Variants in RBPMS2 observed in about 807,000 individuals in gnomAD.
RBPMS2 encodes RNA-binding protein with multiple splicing 2.
RBPMS2 carries 14 observed loss-of-function variants against 25.7 expected under a neutral mutation model. That is an observed-to-expected ratio of 0.55 (90% CI 0.36 to 0.85). The LOEUF (loss-of-function observed/expected upper bound fraction) is 0.85. Among genes scored for constraint, RBPMS2 ranks in the 40% least tolerant of loss-of-function variants. RBPMS2 has a pLI of 0.01. For synonymous variants in RBPMS2, 127 were observed against 115.6 expected (o/e 1.10, Z -0.63); for missense variants, 252 against 283.4 (o/e 0.89, Z 0.80).
chr15:64,746,609 C>A (rs2083619713), intron 6 of RBPMS2, among the ~76,000 whole-genome samples: 1 of 152,112 alleles, frequency 6.6e-6, no homozygotes, highest in South Asian at 2.1e-4. Context: ...GGGAAGGAAG[C>A]CAACAGGAGG....
At chr15:64,766,583 T>A (rs551316247) in intron 1 of RBPMS2, among the ~76,000 whole-genome samples, 1 of 151,890 alleles carries the variant, frequency 6.6e-6, no homozygotes, top group Non-Finnish European at 1.5e-5. Context: ...CTGGACTGCA[T>A]GACGCAATCT....
intron 6 of RBPMS2, among the ~76,000 whole-genome samples, chr15:64,747,059 G>A (rs1405440021): frequency 6.6e-6 from 1 of 152,182 alleles, no homozygotes; most frequent in African/African-American, 2.4e-5. Flanking sequence ...ATTCCCTCCA[G>A]GGGAAGGTCT....
At chr15:64,764,408 G>A (rs561330546) in intron 1 of RBPMS2, among the ~76,000 whole-genome samples, 49 of 152,062 alleles carry the variant, frequency 3.2e-4, no homozygotes, top group Non-Finnish European at 5.9e-4. Context: ...ACACAGCCCC[G>A]AGCCCACCAC....
intron 1 of RBPMS2, among the ~76,000 whole-genome samples, chr15:64,766,245 G>A (rs1212137373): frequency 6.6e-6 from 1 of 152,184 alleles, no homozygotes; most frequent in Non-Finnish European, 1.5e-5. Flanking sequence ...AGCCAAGGCA[G>A]ATGCGCCTAG....
At chr15:64,765,566 G>A (rs2083838657) in intron 1 of RBPMS2, among the ~76,000 whole-genome samples, 1 of 149,782 alleles carries the variant, frequency 6.7e-6, no homozygotes, top group African/African-American at 2.5e-5. Context: ...GCAACAAAAC[G>A]AGATCCTGTG....
Position 64,749,310 on chromosome 15 carries a change from T to C in RBPMS2, c.267+121A>G, listed in dbSNP as rs559416147. 1.9e-5 allele frequency: 25 copies of C among 1,311,936 alleles called. No homozygotes were observed. In the African/African-American group the frequency reaches 3.6e-4, roughly 19 times the overall value. 81.3% of individuals were successfully genotyped at this position (1,311,936 alleles called of 1,614,324 possible). A position where few individuals can be genotyped will look rare whatever the true frequency, so the allele number is the denominator to read the frequency against. ...GCAGCTCAGGCCTTGAGTAATGGCC[T>C]TTGGCACAGACAGTGTCGCCAAGGA... is the stretch of plus-strand genomic sequence containing the variant. On this transcript the variant is annotated intron_variant, in intron 4 of 7. Transcript: ENST00000300069.
intron 1 of RBPMS2, among the ~76,000 whole-genome samples, chr15:64,755,334 G>A (rs1272007509): frequency 6.6e-6 from 1 of 152,092 alleles, no homozygotes; most frequent in Non-Finnish European, 1.5e-5. Context: ...TGAGCTGGTG[G>A]GCCCGTCTGC....
intron 4 of RBPMS2, 59 bp downstream of exon 4, chr15:64,749,372 G>T: frequency 6.8e-7 from 1 of 1,468,278 alleles, no homozygotes; most frequent in Non-Finnish European, 9.5e-7. Flanking sequence ...AGATACATCT[G>T]CACACCCACT....
At position 64,748,579 on chromosome 15, in the gene RBPMS2, G is replaced by C; in HGVS notation, c.419-12C>G. 6.5e-7 allele frequency: 1 copy of C among 1,528,938 alleles called. No individual in the cohort carries two copies. Among genetic ancestry groups the C allele is most frequent in the Non-Finnish European group, 8.8e-7 (1 of 1,140,790 alleles). 94.7% of individuals were successfully genotyped at this position (1,528,938 alleles called of 1,614,324 possible). ...CCCCATCAGGTCATCTACAACAGGA[G>C]ACAATGGCCTCCATCATCAGAACAC... On this transcript the variant is annotated splice_polypyrimidine_tract_variant and intron_variant, in intron 5 of 7. Transcript: ENST00000300069.
rs898289756 is a variant in RBPMS2, at chr15:64,775,529, G to C, written c.-210C>G. On this transcript the variant is annotated 5_prime_UTR_variant, in exon 1 of 8. Coordinates refer to ENST00000300069, the MANE Select transcript of RBPMS2 (RefSeq NM_194272.3). ...GGAAGGTGGGGAGGGGGTGCGGCGGGGGAGGCAGTGGGAGCCGGAGGGGCC... is the reference window on the plus strand; with the variant it reads ...GGAAGGTGGGGAGGGGGTGCGGCGGCGGAGGCAGTGGGAGCCGGAGGGGCC... The C allele has an allele frequency of 3.4e-6, 1 of 290,614 alleles. No individual in the cohort carries two copies. The highest frequency in any genetic ancestry group is 2.3e-5 in the African/African-American group (1 of 44,300). The allele number at this position is 290,614 out of a possible 1,614,324, so 18.0% of individuals were successfully genotyped here.
At chr15:64,744,089 C>T (rs573740846) in intron 6 of RBPMS2, among the ~76,000 whole-genome samples, 1 of 148,718 alleles carries the variant, frequency 6.7e-6, no homozygotes, top group Admixed American at 6.7e-5. Context: ...GCCTGGGCAA[C>T]GGAGTGAGAC....
intron 1 of RBPMS2, among the ~76,000 whole-genome samples, chr15:64,757,286 CACAACACAA>C (rs1178110348): frequency 3.3e-5 from 5 of 152,052 alleles, no homozygotes; most frequent in African/African-American, 7.2e-5. Context: ...GTTTCATCTT[CACAACACAA>C]ACACCATCTA....
chr15:64,749,284 G>C lies in RBPMS2; in HGVS notation c.268-134C>G, dbSNP rs1430319712. On this transcript the variant is annotated intron_variant, in intron 4 of 7. Transcript: ENST00000300069. ...CACACGGTGGCTGAGGCAGAGGAAA[G>C]GCAGCTCAGGCCTTGAGTAATGGCC... 2.6e-5 allele frequency: 35 copies of C among 1,326,460 alleles called. No homozygotes were observed. In the South Asian group the frequency reaches 2.7e-4, roughly 10 times the overall value. 82.2% of individuals were successfully genotyped at this position (1,326,460 alleles called of 1,614,324 possible).
chr15:64,749,359 A>G (rs1444243062), intron 4 of RBPMS2, 72 bp downstream of exon 4: 32 of 1,442,378 alleles, frequency 2.2e-5, no homozygotes, highest in Non-Finnish European at 2.6e-5. Flanking sequence ...TGGCCGGGAA[A>G]TAAGATACAT....
intron 1 of RBPMS2, among the ~76,000 whole-genome samples, chr15:64,761,427 A>C (rs903777174): frequency 6.6e-6 from 1 of 152,212 alleles, no homozygotes. Flanking sequence ...AGCATGTCAG[A>C]AACAGCCTGT....
At chr15:64,748,802 G>A (rs1440308228) in intron 5 of RBPMS2, among the ~76,000 whole-genome samples, 198 bp downstream of exon 5, 2 of 152,228 alleles carry the variant, frequency 1.3e-5, no homozygotes, top group Non-Finnish European at 2.9e-5. Context: ...ATTAAAGAAG[G>A]TTGCAGGGAA....
intron 1 of RBPMS2, among the ~76,000 whole-genome samples, chr15:64,758,895 G>C (rs1248948049): frequency 6.6e-6 from 1 of 152,238 alleles, no homozygotes; most frequent in Non-Finnish European, 1.5e-5. Flanking sequence ...GCCAGTGCTA[G>C]ACCTAGAGTG....
intron 6 of RBPMS2, among the ~76,000 whole-genome samples, chr15:64,747,207 A>G (rs2083625210): frequency 1.3e-5 from 2 of 152,126 alleles, no homozygotes; most frequent in Admixed American, 6.5e-5. Flanking sequence ...CCTGCTGGGG[A>G]AAACAGTTTG....
intron 1 of RBPMS2, among the ~76,000 whole-genome samples, chr15:64,766,757 CT>C (rs2083850156): frequency 6.6e-6 from 1 of 152,054 alleles, no homozygotes. Context: ...TCTCGATCTC[CT>C]AACCTCGTGA....
Sources: allele counts gnomAD v4.1 joint callset (sites outside exome capture counted in the v4.1 genomes callset), GRCh38; gene constraint gnomAD v4.1.1; transcripts MANE v1.5; gene names NCBI Gene and HGNC (gene_info 2026-07-23, HGNC 2026-07-21).